The following PARP1 variants were observed in gnomAD, a reference collection of about 807,000 sequenced individuals.
The protein encoded by PARP1 is poly [ADP-ribose] polymerase 1.
Under a neutral mutation model 118.7 loss-of-function variants are expected in PARP1, and 44 were observed. That is an observed-to-expected ratio of 0.37 (90% CI 0.29 to 0.48). The LOEUF (loss-of-function observed/expected upper bound fraction) is 0.48, where lower values mean the gene tolerates loss of function less well. Among genes scored for constraint, PARP1 ranks in the 20% least tolerant of loss-of-function variants. PARP1 has a pLI of 0.99. For synonymous variants in PARP1, 492 were observed against 483.2 expected, an observed-to-expected ratio of 1.02 and a Z score of -0.24; for missense variants, 1,100 against 1,272.4, an observed-to-expected ratio of 0.86 and a Z score of 2.06.
chr1:226,380,001 C>G lies in PARP1; in HGVS notation c.1464G>C (p.Glu488Asp). 1 of 1,614,218 alleles carries G rather than the reference C, an allele frequency of 6.2e-7. No individual in the cohort carries two copies. Among genetic ancestry groups the G allele is most frequent in the Non-Finnish European group, 8.5e-7 (1 of 1,180,040 alleles). The change falls in exon 10 of 23, where the codon GAG (glutamate) becomes GAC (aspartate). Residue 488 changes from glutamate (E) to aspartate (D), a missense_variant. Transcript: ENST00000366794. ...CTCTTGGGGCCACAACTTCAACAGG[C>G]TCTGCCTTCACCTCTGCCCCCCAAG... ...LSPWGAEVKA[E>D]PVEVVAPRGK... is the part of the protein sequence containing the mutation.
At chr1:226,375,196 A>G (rs1219891365) in intron 13 of PARP1, among the ~76,000 whole-genome samples, 10 of 152,202 alleles carry the variant, frequency 6.6e-5, no homozygotes, top group African/African-American at 2.4e-4. Context: ...TGTCACCTTC[A>G]TAGTAGACCT....
chr1:226,379,833 G>C, intron 10 of PARP1, 89 bp downstream of exon 10: 1 of 1,593,206 alleles, frequency 6.3e-7, no homozygotes, highest in Non-Finnish European at 8.6e-7. Context: ...GCCATGTCAG[G>C]GACACAAAGG....
rs142852413 is a variant in PARP1 at position 226,383,094 on chromosome 1, G to A, written c.1101C>T (p.Ala367=). The A allele has an allele frequency of 3.7e-6, 6 of 1,613,042 alleles. No homozygotes were observed. In the African/African-American group the frequency reaches 6.7e-5, roughly 18 times the overall value. Residue 367 remains alanine (A), a synonymous_variant, in exon 8 of 23, where the codon GCC becomes GCT. Transcript: ENST00000366794. ...FPPETSASVA[A]TPPPSTASAP... is the part of the protein sequence containing the mutation. Reference sequence around the variant, plus strand: ...CCGAGGCTGTGGAGGGCGGAGGCGTGGCCGCCACGGAGGCGCTGGTTTCTG... The same window carrying A: ...CCGAGGCTGTGGAGGGCGGAGGCGTAGCCGCCACGGAGGCGCTGGTTTCTG...
At chr1:226,380,291 A>C (rs1664579255) in intron 9 of PARP1, 127 bp from the exon 10 acceptor site, 1 of 919,848 alleles carries the variant, frequency 1.1e-6, no homozygotes, top group African/African-American at 1.6e-5. Flanking sequence ...CTTTGCTTCC[A>C]AGTCTAATGC....
In PARP1 at chr1:226,408,059, C is replaced by G. The variant is rs1665188707; in HGVS notation, c.-130G>C. The stretch of plus-strand genomic sequence containing the variant: ...GCGGCCAGAGCCGCCACCGAACACG[C>G]CGCACCGGCCACCGCCGTTCCCTGA... On this transcript the variant is annotated 5_prime_UTR_variant, in exon 1 of 23. Transcript: ENST00000366794. 1.1e-5 allele frequency: 15 copies of G among 1,328,898 alleles called. No homozygotes were observed. In the South Asian group the frequency reaches 1.6e-4, roughly 14 times the overall value. 82.3% of individuals were successfully genotyped at this position (1,328,898 alleles called of 1,614,324 possible). A position where few individuals can be genotyped will look rare whatever the true frequency, so the allele number is the denominator to read the frequency against.
chr1:226,364,127 T>C, intron 19 of PARP1, 57 bp from the exon 20 acceptor site: 1 of 1,594,656 alleles, frequency 6.3e-7, no homozygotes. Flanking sequence ...TAGGAGCAGC[T>C]GTTCACTGAG....
In PARP1 at chr1:226,361,388, T is replaced by A. The variant is rs1576388744; in HGVS notation, c.*72A>T. 1.1e-6 allele frequency: 1 copy of A among 947,322 alleles called. No homozygotes were observed. The highest frequency in any genetic ancestry group is 1.3e-5 in the South Asian group (1 of 75,440). 58.7% of individuals were successfully genotyped at this position (947,322 alleles called of 1,614,324 possible). On this transcript the variant is annotated 3_prime_UTR_variant, in exon 23 of 23. Transcript: ENST00000366794. ...ACCCATCAGCAACTTAGCGGCCAGG[T>A]GAGTTGGTGCAGAAGCGCTTCGGGT...
intron 2 of PARP1, chr1:226,393,036 G>A: frequency 6.8e-7 from 1 of 1,462,592 alleles, no homozygotes; most frequent in Admixed American, 2.7e-5. Flanking sequence ...TTGGAAAATA[G>A]TAAGTAAAGC....
chr1:226,403,457 C>T (rs1665078059), intron 1 of PARP1, among the ~76,000 whole-genome samples: 2 of 152,242 alleles, frequency 1.3e-5, no homozygotes, highest in African/African-American at 4.8e-5. Flanking sequence ...GGATTACAGG[C>T]ATGAACCACT....
intron 2 of PARP1, among the ~76,000 whole-genome samples, chr1:226,397,964 A>T (rs1051406515): frequency 6.6e-5 from 10 of 152,022 alleles, no homozygotes; most frequent in Middle Eastern, 3.4e-3. Context: ...CACATGCGAA[A>T]AAAAAAAAAG....
Position 226,402,263 on chromosome 1 carries a change from C to G in PARP1, c.237G>C (p.Trp79Cys). 1 of 1,614,186 alleles carries G rather than the reference C, an allele frequency of 6.2e-7. No homozygotes were observed. The highest frequency in any genetic ancestry group is 8.5e-7 in the Non-Finnish European group (1 of 1,180,050). Residue 79 changes from tryptophan to cysteine, a missense_variant, in exon 2 of 23, where the codon TGG becomes TGC. Physicochemically the swap from Trp to Cys is radical, Grantham distance 215 (BLOSUM62 -2). This residue lies in a region of PARP1 where 948 missense variants were observed against 1,031.8 expected (regional missense o/e 0.92). Transcript: ENST00000366794. ...VEVDGFSELR[W>C]DDQQKVKKTA... ...TCTTCTTGACTTTCTGCTGGTCATCCCACCGAAGCTCAGAGAACCCATCCA... is the reference window on the plus strand; with the variant it reads ...TCTTCTTGACTTTCTGCTGGTCATCGCACCGAAGCTCAGAGAACCCATCCA...
intron 1 of PARP1, among the ~76,000 whole-genome samples, chr1:226,403,627 A>G (rs1289337133): frequency 6.6e-6 from 1 of 152,118 alleles, no homozygotes; most frequent in Non-Finnish European, 1.5e-5. Context: ...ACAGATGGAG[A>G]CAGTGGGGCT....
At chr1:226,400,663 C>A (rs957846300) in intron 2 of PARP1, among the ~76,000 whole-genome samples, 7 of 152,188 alleles carry the variant, frequency 4.6e-5, no homozygotes, top group African/African-American at 1.2e-4. Context: ...TCTTTCAAAA[C>A]CAGGGACTGA....
intron 13 of PARP1, among the ~76,000 whole-genome samples, chr1:226,375,118 C>T (rs577737058): frequency 2.5e-4 from 38 of 152,230 alleles, no homozygotes; most frequent in Non-Finnish European, 4.4e-4. Context: ...TGGCACTGGG[C>T]TTTGAACCTG....
intron 1 of PARP1, among the ~76,000 whole-genome samples, chr1:226,407,529 C>A (rs186032238): frequency 2.3e-4 from 35 of 152,272 alleles, no homozygotes; most frequent in Admixed American, 1.1e-3. Context: ...CACCGCCACC[C>A]AGAAAGGAGA....
chr1:226,392,570 G>A lies in PARP1; in HGVS notation c.287-256C>T, dbSNP rs908575304. The A allele has an allele frequency of 7.2e-6, 4 of 557,310 alleles. 1 individual carries two copies. The South Asian group carries it at 8.2e-5, about 11-fold the overall frequency. The allele number at this position is 557,310 out of a possible 1,614,324, so 34.5% of individuals were successfully genotyped here. On this transcript the variant is annotated intron_variant, in intron 2 of 22. Transcript: ENST00000366794. ...CATATCAGGGGGTGGTCAGCTGTCT[G>A]ACATTCCATCTCCTCCCCTTTCTCT...
chr1:226,372,831 G>C (rs1215215695), intron 14 of PARP1, among the ~76,000 whole-genome samples: 1 of 152,162 alleles, frequency 6.6e-6, no homozygotes, highest in Non-Finnish European at 1.5e-5. Flanking sequence ...AAACGTGAAT[G>C]AAACGAGCCC....
intron 5 of PARP1, among the ~76,000 whole-genome samples, chr1:226,387,898 C>CAAAAT (rs1362029830): frequency 1.3e-5 from 2 of 152,186 alleles, no homozygotes; most frequent in African/African-American, 4.8e-5. Flanking sequence ...GACAATTGAA[C>CAAAAT]AAAATGTGTG....
At chr1:226,370,575 A>G (rs1664360902) in intron 14 of PARP1, 58 bp from the exon 15 acceptor site, 3 of 1,408,686 alleles carry the variant, frequency 2.1e-6, no homozygotes, top group African/African-American at 1.4e-5. Context: ...TGATCGCAGG[A>G]GAGCTGGACC....
Sources: allele counts gnomAD v4.1 joint callset (sites outside exome capture counted in the v4.1 genomes callset), GRCh38; gene constraint gnomAD v4.1.1; regional missense constraint gnomAD v4.1.1; transcripts MANE v1.5; gene names NCBI Gene and HGNC (gene_info 2026-07-23, HGNC 2026-07-21).